HIVEP3: variants seen among roughly 807,000 people sequenced by gnomAD.
HIVEP3 encodes transcription factor HIVEP3.
In HIVEP3, 49 loss-of-function variants were observed where a neutral mutation model predicts 152.8. That is an observed-to-expected ratio of 0.32 (90% CI 0.26 to 0.41). The LOEUF is 0.41. Among genes scored for constraint, HIVEP3 ranks in the 10% least tolerant of loss-of-function variants. The pLI, the probability that HIVEP3 is intolerant of heterozygous loss-of-function variation, is 1.00. For synonymous variants in HIVEP3, 1,269 were observed against 1,289.0 expected, an observed-to-expected ratio of 0.98 and a Z score of 0.33; for missense variants, 2,790 against 3,103.3, an observed-to-expected ratio of 0.90 and a Z score of 2.40.
intron 1 of HIVEP3, among the ~76,000 whole-genome samples, chr1:42,029,008 T>G (rs1026828559): frequency 6.6e-6 from 1 of 152,246 alleles, no homozygotes; most frequent in Admixed American, 6.5e-5. Flanking sequence ...AATCTCCCAC[T>G]TGTTAAATGA....
intron 1 of HIVEP3, among the ~76,000 whole-genome samples, chr1:41,912,274 C>G (rs1418924256): frequency 6.6e-6 from 1 of 152,140 alleles, no homozygotes; most frequent in Non-Finnish European, 1.5e-5. Flanking sequence ...CTGGTGAGTA[C>G]ATAAGTGTTA....
intron 4 of HIVEP3, among the ~76,000 whole-genome samples, chr1:41,578,910 T>C (rs1368301617): frequency 6.6e-6 from 1 of 152,206 alleles, no homozygotes; most frequent in Non-Finnish European, 1.5e-5. Flanking sequence ...AGACCAGCTG[T>C]TATTCCACAA....
intron 1 of HIVEP3, among the ~76,000 whole-genome samples, chr1:41,812,912 A>G (rs1247767139): frequency 7.8e-6 from 1 of 128,388 alleles, no homozygotes; most frequent in Non-Finnish European, 1.8e-5. Context: ...TGCAGCACTC[A>G]GAGCCAAGCG....
intron 1 of HIVEP3, among the ~76,000 whole-genome samples, chr1:41,712,781 CCATCCTCCCTG>C (rs1295479411): frequency 6.6e-6 from 1 of 152,220 alleles, no homozygotes; most frequent in Non-Finnish European, 1.5e-5. Context: ...GTTCCTCCCT[CCATCCTCCCTG>C]GGGAGAAGCA....
chr1:41,984,010 TGCCTAG>T (rs1274865982), intron 1 of HIVEP3, among the ~76,000 whole-genome samples: 1 of 152,212 alleles, frequency 6.6e-6, no homozygotes, highest in Non-Finnish European at 1.5e-5. Flanking sequence ...TTCGCTCTGT[TGCCTAG>T]GCTGGAGTGC....
At chr1:41,644,261 T>C (rs1183309121) in intron 2 of HIVEP3, among the ~76,000 whole-genome samples, 1 of 152,120 alleles carries the variant, frequency 6.6e-6, no homozygotes, top group East Asian at 1.9e-4. Flanking sequence ...CTATTGTGCC[T>C]GAAGTAGCTA....
At position 41,581,780 on chromosome 1, in the gene HIVEP3, G is replaced by C. The variant is rs776161330; in HGVS notation, c.3018C>G (p.Thr1006=). 1 of 1,589,872 alleles carries C rather than the reference G, an allele frequency of 6.3e-7. No homozygotes were observed. Among genetic ancestry groups the C allele is most frequent in the Non-Finnish European group, 8.6e-7 (1 of 1,167,912 alleles). Residue 1006 remains threonine, a synonymous_variant, in exon 4 of 9, where the codon ACC becomes ACG. Coordinates refer to ENST00000372583, the MANE Select transcript of HIVEP3 (RefSeq NM_024503.5). This position sits in a 1 kb window ranked among gnomAD's most constrained non-coding sequence, Gnocchi z 4.5. The part of the protein sequence containing the change: ...SPNVSHSAHM[T]ETRSKSFDYG... ...AGTCAAAGGATTTGCTGCGTGTCTC[G>C]GTCATGTGGGCAGAATGGGAAACGT...
At chr1:41,710,969 G>A (rs1646504807) in intron 1 of HIVEP3, among the ~76,000 whole-genome samples, 1 of 152,238 alleles carries the variant, frequency 6.6e-6, no homozygotes. Flanking sequence ...GAAGACCGGA[G>A]AAATCAACCA....
chr1:41,646,443 C>T (rs1645460974), intron 2 of HIVEP3, among the ~76,000 whole-genome samples: 1 of 152,152 alleles, frequency 6.6e-6, no homozygotes. Flanking sequence ...ATGTTCCTTG[C>T]AGGAGATGGG....
chr1:41,745,552 A>T (rs1647058849), intron 1 of HIVEP3, among the ~76,000 whole-genome samples: 1 of 152,248 alleles, frequency 6.6e-6, no homozygotes, highest in South Asian at 2.1e-4. Flanking sequence ...AGACAAGGGC[A>T]TCCACAGTCG....
chr1:42,003,445 G>A (rs1645440024), intron 1 of HIVEP3, among the ~76,000 whole-genome samples: 1 of 152,158 alleles, frequency 6.6e-6, no homozygotes, highest in Non-Finnish European at 1.5e-5. Flanking sequence ...AGCCCCTGTT[G>A]TTTCTGAGCT....
At position 41,580,843 on chromosome 1, in the gene HIVEP3, C is replaced by T. The variant is rs1411088800; in HGVS notation, c.3955G>A (p.Val1319Met). Residue 1319 changes from valine to methionine, a missense_variant, in exon 4 of 9, where the codon GTG becomes ATG. By Grantham distance (21) the Val-to-Met change is conservative. This residue lies in a region of HIVEP3 where 1,078 missense variants were observed against 1,165.3 expected (regional missense o/e 0.93). Transcript: ENST00000372583. ...ATATTGGTCTGAACACGGACAGGCA[C>T]AACCAGGGACACCATGGTGTCTGGA... is the stretch of plus-strand genomic sequence containing the variant. ...ACPDTMVSLV[V>M]PVRVQTNMPS... is the part of the protein sequence containing the mutation. 5 of 1,594,416 alleles carry T rather than the reference C, an allele frequency of 3.1e-6. No homozygotes were observed. The highest frequency in any genetic ancestry group is 4.3e-6 in the Non-Finnish European group (5 of 1,170,668).
chr1:41,928,683 T>C (rs990267080), intron 1 of HIVEP3, among the ~76,000 whole-genome samples: 2 of 152,212 alleles, frequency 1.3e-5, no homozygotes, highest in African/African-American at 4.8e-5. Flanking sequence ...TTCTTGCCCT[T>C]GACCCTTTTG....
intron 3 of HIVEP3, among the ~76,000 whole-genome samples, chr1:41,586,033 A>G (rs1038211725): frequency 4.6e-5 from 7 of 152,234 alleles, no homozygotes; most frequent in Admixed American, 1.3e-4. Flanking sequence ...AGAACTTACA[A>G]TCTGACACAG....
chr1:42,021,446 T>G (rs1645553445), intron 1 of HIVEP3, among the ~76,000 whole-genome samples: 1 of 152,008 alleles, frequency 6.6e-6, no homozygotes, highest in Non-Finnish European at 1.5e-5. Context: ...GAGCCTGAGA[T>G]TCTTAGGAAA....
intron 1 of HIVEP3, among the ~76,000 whole-genome samples, chr1:41,985,901 C>T (rs934122777): frequency 3.9e-5 from 6 of 152,064 alleles, no homozygotes; most frequent in African/African-American, 7.2e-5. Flanking sequence ...CAGTGCAAGG[C>T]TAAACATTAA....
chr1:41,764,301 ATAGCCCAGGCAG>A (rs1244431708), intron 1 of HIVEP3, among the ~76,000 whole-genome samples: 1 of 152,224 alleles, frequency 6.6e-6, no homozygotes, highest in Admixed American at 6.5e-5. Context: ...GGTGACCATC[ATAGCCCAGGCAG>A]GAGGGCCTGA....
At chr1:41,702,370 C>T (rs1462562976) in intron 1 of HIVEP3, among the ~76,000 whole-genome samples, 1 of 152,096 alleles carries the variant, frequency 6.6e-6, no homozygotes, top group Non-Finnish European at 1.5e-5. Context: ...CTTAAAATAC[C>T]TTATAATAGA....
Position 41,511,220 on chromosome 1 carries a change from T to C in HIVEP3, c.6452A>G (p.His2151Arg). The C allele has an allele frequency of 6.2e-7, 1 of 1,613,270 alleles. No homozygotes were observed. Among genetic ancestry groups the C allele is most frequent in the Non-Finnish European group, 8.5e-7 (1 of 1,179,664 alleles). Residue 2151 changes from histidine to arginine, a missense_variant, in exon 9 of 9, where the codon CAT becomes CGT. Physicochemically the swap from His to Arg is conservative, Grantham distance 29. Coordinates refer to ENST00000372583, the MANE Select transcript of HIVEP3 (RefSeq NM_024503.5). The surrounding 1 kb of genome is among the most constrained non-coding windows in gnomAD (Gnocchi z 4.9). ...RSPSCSPGPA[H>R]PLSSRPFSAL... Reference sequence around the variant, plus strand: ...GGAGAAGGGTCGGGAGGAGAGAGGATGAGCAGGGCCGGGTGAGCAGGAGGG... The same window carrying C: ...GGAGAAGGGTCGGGAGGAGAGAGGACGAGCAGGGCCGGGTGAGCAGGAGGG...
Sources: allele counts gnomAD v4.1 joint callset (sites outside exome capture counted in the v4.1 genomes callset), GRCh38; gene constraint gnomAD v4.1.1; regional missense constraint gnomAD v4.1.1; non-coding constraint Gnocchi (gnomAD v3.1); transcripts MANE v1.5; gene names NCBI Gene and HGNC (gene_info 2026-07-23, HGNC 2026-07-21).